Variants in CELF2 observed in about 807,000 individuals in gnomAD.
The protein encoded by CELF2 is CUG triplet repeat RNA-binding protein 2.
A neutral mutation model predicts 62.6 loss-of-function variants in CELF2; 8 were observed. That is an observed-to-expected ratio of 0.13 (90% CI 0.07 to 0.23). The LOEUF (loss-of-function observed/expected upper bound fraction) is 0.23. Ranked by LOEUF, CELF2 falls within the 10% of genes least tolerant of loss-of-function variation. The probability of loss-of-function intolerance (pLI) is 1.00; values close to 1 mark genes in which losing one functional copy is unlikely to be tolerated. For missense variants in CELF2, 333 were observed against 671.0 expected (o/e 0.50, Z 5.56); for synonymous variants, 258 against 250.0 (o/e 1.03, Z -0.30).
At chr10:10,876,301 C>T (rs144491047) in intron 1 of CELF2, among the ~76,000 whole-genome samples, 123 of 152,150 alleles carry the variant, frequency 8.1e-4, no homozygotes, top group African/African-American at 2.7e-3. Context: ...AGGAAGAGAG[C>T]GCTCCCATTG....
chr10:10,529,850 A>G, the CELF2 span, among the ~76,000 whole-genome samples: 2 of 152,316 alleles, frequency 1.3e-5, no homozygotes, highest in African/African-American at 4.8e-5. Context: ...AATCCACATC[A>G]GTGGCTATGA....
chr10:11,209,421 A>G (rs1338404393), intron 2 of CELF2, among the ~76,000 whole-genome samples: 4 of 151,912 alleles, frequency 2.6e-5, no homozygotes, highest in Non-Finnish European at 5.9e-5. Flanking sequence ...TTTGGGCTAA[A>G]AAAAGGGCTA....
At chr10:10,909,292 C>T (rs2063605802) in intron 1 of CELF2, among the ~76,000 whole-genome samples, 1 of 152,160 alleles carries the variant, frequency 6.6e-6, no homozygotes, top group African/African-American at 2.4e-5. Context: ...GCAAGAGAGG[C>T]TGTGTCCTTA....
the CELF2 span, among the ~76,000 whole-genome samples, chr10:10,690,130 C>A: frequency 2.0e-5 from 3 of 152,188 alleles, no homozygotes; most frequent in Admixed American, 6.5e-5. Context: ...TGACCTCTCT[C>A]CTCTTCTTCA....
the CELF2 span, among the ~76,000 whole-genome samples, chr10:10,486,658 C>T: frequency 6.7e-6 from 1 of 149,658 alleles, no homozygotes; most frequent in Non-Finnish European, 1.5e-5. Context: ...ATGGGCATTT[C>T]CTTTGAGCGT....
At position 11,165,078 on chromosome 10, in the gene CELF2, A is replaced by T; in HGVS notation, c.75-408A>T. The T allele has an allele frequency of 1.0e-6, 1 of 991,524 alleles. No individual in the cohort carries two copies. The highest frequency in any genetic ancestry group is 1.7e-5 in the African/African-American group (1 of 57,520). 61.4% of individuals were successfully genotyped at this position (991,524 alleles called of 1,614,324 possible). On this transcript the variant is annotated intron_variant, in intron 1 of 12. Transcript: ENST00000633077. The surrounding 1 kb of genome is among the most constrained non-coding windows in gnomAD (Gnocchi z 7.4). ...GGGGCAGGGAGAGGGAGAGAAATCC[A>T]GCAGACATCTAGCTCTGCCTTTCTT...
At chr10:10,650,180 A>G in the CELF2 span, among the ~76,000 whole-genome samples, 4 of 152,224 alleles carry the variant, frequency 2.6e-5, no homozygotes, top group Admixed American at 6.5e-5. Context: ...CATTTGAGAC[A>G]ATCGAGGGAA....
the CELF2 span, among the ~76,000 whole-genome samples, chr10:10,593,675 C>A: frequency 6.6e-6 from 1 of 152,268 alleles, no homozygotes; most frequent in Non-Finnish European, 1.5e-5. Context: ...AAATAGGACA[C>A]TATTTTAGGC....
the CELF2 span, among the ~76,000 whole-genome samples, chr10:10,777,907 G>C: frequency 6.6e-6 from 1 of 152,114 alleles, no homozygotes; most frequent in Non-Finnish European, 1.5e-5. Flanking sequence ...CTGCACAGCT[G>C]TTCTGTCTGC....
intron 1 of CELF2, among the ~76,000 whole-genome samples, chr10:11,086,006 C>T (rs1369125749): frequency 6.6e-6 from 1 of 152,116 alleles, no homozygotes; most frequent in Non-Finnish European, 1.5e-5. Flanking sequence ...AATTAATACA[C>T]GTGAAAGTGC....
chr10:10,798,641 G>A (rs1381101214), exon 1 of CELF2: 11 of 397,786 alleles, frequency 2.8e-5, no homozygotes, highest in Admixed American at 8.8e-5. Context: ...GTGCGTGTCA[G>A]CCCGGGAAGG....
chr10:11,328,658 A>G lies in CELF2; in HGVS notation c.1439-268A>G, dbSNP rs1005701670. 9.2e-5 allele frequency among the ~76,000 whole-genome samples: 14 copies of G among 152,250 alleles called. No individual in the cohort carries two copies. Among genetic ancestry groups the G allele is most frequent in the African/African-American group, 2.4e-4 (10 of 41,474 alleles). ...AAGTGGAACTGAATTCAGCCAAACA[A>G]TTGAGTCTGAGGTTTCAGTGTTGTG... On this transcript the variant is annotated intron_variant, in intron 12 of 12. Transcript: ENST00000633077. The surrounding 1 kb of genome is among the most constrained non-coding windows in gnomAD (Gnocchi z 6.4).
chr10:10,767,123 C>T, the CELF2 span, among the ~76,000 whole-genome samples: 1 of 152,082 alleles, frequency 6.6e-6, no homozygotes, highest in Non-Finnish European at 1.5e-5. Flanking sequence ...TGGCTAGCAC[C>T]AGTATATCAT....
the CELF2 span, among the ~76,000 whole-genome samples, chr10:10,723,795 T>G: frequency 6.6e-6 from 1 of 152,182 alleles, no homozygotes; most frequent in Non-Finnish European, 1.5e-5. Flanking sequence ...GCCAATGCAT[T>G]TTGAAAATGA....
the CELF2 span, among the ~76,000 whole-genome samples, chr10:10,497,916 A>G: frequency 6.6e-6 from 1 of 152,218 alleles, no homozygotes; most frequent in East Asian, 1.9e-4. Flanking sequence ...GAATAAATAG[A>G]CGAGGTGCAA....
At chr10:11,080,895 A>C (rs773464445) in intron 1 of CELF2, among the ~76,000 whole-genome samples, 5 of 152,156 alleles carry the variant, frequency 3.3e-5, no homozygotes, top group Admixed American at 2.0e-4. Context: ...GCCAGCTGCC[A>C]GTTTCTAGAG....
intron 1 of CELF2, chr10:10,917,775 G>A (rs2064493106): frequency 6.6e-6 from 1 of 152,218 alleles, no homozygotes; most frequent in East Asian, 1.9e-4. Context: ...TGACAGGGAT[G>A]CCATTAAACA....
the CELF2 span, among the ~76,000 whole-genome samples, chr10:10,792,988 A>G: frequency 2.0e-5 from 3 of 152,162 alleles, no homozygotes; most frequent in Non-Finnish European, 4.4e-5. Context: ...CAAGATTCCA[A>G]ATGAAAAAAG....
At chr10:10,950,060 A>C (rs1358323953) in intron 2 of CELF2, among the ~76,000 whole-genome samples, 1 of 152,008 alleles carries the variant, frequency 6.6e-6, no homozygotes, top group African/African-American at 2.4e-5. Flanking sequence ...ATGTATCATC[A>C]CACCTCTCTC....
Sources: gnomAD v4.1 joint callset for allele counts (sites outside exome capture counted in the v4.1 genomes callset) on GRCh38, gnomAD v4.1.1 for gene constraint, Gnocchi (gnomAD v3.1) non-coding constraint, MANE v1.5 for transcripts, NCBI Gene and HGNC (gene_info 2026-07-23, HGNC 2026-07-21) for gene names.